GLP1R: variants seen among roughly 807,000 people sequenced by gnomAD.
The protein encoded by GLP1R is glucagon like peptide 1 receptor.
In GLP1R, 32 loss-of-function variants were observed where a neutral mutation model predicts 68.4. The observed-to-expected ratio is 0.47, with a 90% CI of 0.35 to 0.63. The LOEUF is 0.63. Ranked by LOEUF, GLP1R falls within the 20% of genes least tolerant of loss-of-function variation. The pLI is 0.00. For synonymous variants in GLP1R, 263 were observed against 244.4 expected, an observed-to-expected ratio of 1.08 and a Z score of -0.71; for missense variants, 502 against 594.9, an observed-to-expected ratio of 0.84 and a Z score of 1.62.
Position 39,079,256 on chromosome 6 carries a change from T to A in GLP1R, c.1043+56T>A. ...CCCTCAGCAAGTGCCCCTTTCCTTC[T>A]AGCAGAGAGAGAGAGAGAGATCCTG... On this transcript the variant is annotated intron_variant, in intron 10 of 12. Coordinates refer to ENST00000373256, the MANE Select transcript of GLP1R (RefSeq NM_002062.5). The surrounding 1 kb of genome is among the most constrained non-coding windows in gnomAD (Gnocchi z 4.5). 8.2e-7 allele frequency: 1 copy of A among 1,217,220 alleles called. No homozygotes were observed. Among genetic ancestry groups the A allele is most frequent in the East Asian group, 2.3e-5 (1 of 42,862 alleles). 75.4% of individuals were successfully genotyped at this position (1,217,220 alleles called of 1,614,324 possible). A position where few individuals can be genotyped will look rare whatever the true frequency, so the allele number is the denominator to read the frequency against.
Position 39,079,647 on chromosome 6 carries a change from G to C in GLP1R, c.1127G>C (p.Arg376Pro). 1.2e-6 allele frequency: 2 copies of C among 1,611,790 alleles called. No homozygotes were observed. The highest frequency in any genetic ancestry group is 1.7e-6 in the Non-Finnish European group (2 of 1,179,000). Reference sequence around the variant, plus strand: ...GCCTTTGTGATGGACGAGCACGCCCGGGGGACCCTGCGCTTCATCAAGCTG... The same window carrying C: ...GCCTTTGTGATGGACGAGCACGCCCCGGGGACCCTGCGCTTCATCAAGCTG... ...IFAFVMDEHARGTLRFIKLFT... is the reference protein window; with the variant it reads ...IFAFVMDEHAPGTLRFIKLFT... Residue 376 changes from arginine to proline, a missense_variant, in exon 11 of 13, where the codon CGG becomes CCG. Coordinates refer to ENST00000373256, the MANE Select transcript of GLP1R (RefSeq NM_002062.5). The surrounding 1 kb of genome is among the most constrained non-coding windows in gnomAD (Gnocchi z 4.5).
chr6:39,063,076 G>T (rs903171394), intron 3 of GLP1R, among the ~76,000 whole-genome samples: 5 of 152,196 alleles, frequency 3.3e-5, no homozygotes, highest in African/African-American at 1.2e-4. Context: ...TGGGTATGCG[G>T]GTCTTTAGAT....
chr6:39,059,781 A>T (rs2150823759), intron 3 of GLP1R, among the ~76,000 whole-genome samples: 1 of 152,294 alleles, frequency 6.6e-6, no homozygotes, highest in Admixed American at 6.5e-5. Context: ...TCTAGACCCC[A>T]GGGAGCCAGG....
At chr6:39,070,120 G>T (rs1426666815) in intron 5 of GLP1R, among the ~76,000 whole-genome samples, 1 of 152,182 alleles carries the variant, frequency 6.6e-6, no homozygotes. Flanking sequence ...ATTCTTGAGA[G>T]CAGAGCCCTC....
At chr6:39,082,328 C>T (rs180999675) in intron 12 of GLP1R, among the ~76,000 whole-genome samples, 173 of 152,306 alleles carry the variant, frequency 1.1e-3, no homozygotes, top group African/African-American at 4.0e-3. Flanking sequence ...AACGTTAAGC[C>T]TCAGCAAAAT....
Position 39,088,510 on chromosome 6 carries a change from C to G in GLP1R, c.*2437C>G, listed in dbSNP as rs1227514843. On this transcript the variant is annotated 3_prime_UTR_variant, in exon 13 of 13. Coordinates refer to ENST00000373256, the MANE Select transcript of GLP1R (RefSeq NM_002062.5). ...GTCCTGGGGTACTATTGCTGACCAG[C>G]AGGGTGTAGGCGCTGCTTTTGTTTG... is the stretch of plus-strand genomic sequence containing the variant. Among the ~76,000 whole-genome samples the G allele has an allele frequency of 6.6e-6, 1 of 152,172 alleles. No homozygotes were observed. The highest frequency in any genetic ancestry group is 1.5e-5 in the Non-Finnish European group (1 of 68,028).
intron 2 of GLP1R, 98 bp from the exon 3 acceptor site, chr6:39,057,374 A>G: frequency 1.3e-6 from 1 of 755,444 alleles, no homozygotes. Context: ...GGTTAGTGGC[A>G]TGCAGCCTCC....
intron 12 of GLP1R, among the ~76,000 whole-genome samples, chr6:39,082,681 C>T (rs959162259): frequency 6.6e-6 from 1 of 152,180 alleles, no homozygotes; most frequent in Non-Finnish European, 1.5e-5. Context: ...TCCAGGAATG[C>T]TCTCAGCCAG....
chr6:39,061,332 G>A (rs770266329), intron 3 of GLP1R, among the ~76,000 whole-genome samples: 4 of 152,312 alleles, frequency 2.6e-5, no homozygotes, highest in South Asian at 4.1e-4. Context: ...CAGCAGCCTC[G>A]TTTACCCACA....
chr6:39,054,005 C>G (rs1768150265), intron 1 of GLP1R, among the ~76,000 whole-genome samples: 1 of 152,048 alleles, frequency 6.6e-6, no homozygotes, highest in Admixed American at 6.6e-5. Flanking sequence ...TGCTGAAGTG[C>G]CCGCCCTCCT....
At chr6:39,062,713 G>A (rs563165205) in intron 3 of GLP1R, among the ~76,000 whole-genome samples, 52 of 152,340 alleles carry the variant, frequency 3.4e-4, no homozygotes, top group Admixed American at 1.1e-3. Context: ...AGCAAGTTTG[G>A]CTGCTAACTT....
chr6:39,055,582 C>CT (rs1768190973), intron 1 of GLP1R, among the ~76,000 whole-genome samples: 1 of 152,172 alleles, frequency 6.6e-6, no homozygotes, highest in Non-Finnish European at 1.5e-5. Context: ...GAGAGGGATC[C>CT]CTCCCATTGC....
At chr6:39,062,898 C>G (rs1435086631) in intron 3 of GLP1R, among the ~76,000 whole-genome samples, 1 of 152,176 alleles carries the variant, frequency 6.6e-6, no homozygotes, top group Non-Finnish European at 1.5e-5. Context: ...GTCAGGTGTA[C>G]AGTAGGTGTT....
intron 3 of GLP1R, among the ~76,000 whole-genome samples, chr6:39,064,468 C>T (rs1334568059): frequency 6.6e-6 from 1 of 152,214 alleles, no homozygotes; most frequent in Non-Finnish European, 1.5e-5. Flanking sequence ...ATGTTGAACT[C>T]TTTTAAAGTT....
Position 39,065,762 on chromosome 6 carries a change from A to G in GLP1R, c.335A>G (p.Gln112Arg). The change falls in exon 4 of 13, where the codon CAG becomes CGG. Residue 112 changes from glutamine to arginine, a missense_variant. Gln to Arg is a conservative substitution (Grantham distance 43). Coordinates refer to ENST00000373256, the MANE Select transcript of GLP1R (RefSeq NM_002062.5). ...TGCACAGCTGAAGGCCTCTGGCTGC[A>G]GAAGGACAACTCCAGCCTGCCCTGG... ...RFCTAEGLWL[Q>R]KDNSSLPWRD... 6.3e-7 allele frequency: 1 copy of G among 1,588,696 alleles called. No individual in the cohort carries two copies. The highest frequency in any genetic ancestry group is 8.6e-7 in the Non-Finnish European group (1 of 1,167,344).
At chr6:39,053,504 G>GAAGCCTGGTC (rs1204183837) in intron 1 of GLP1R, among the ~76,000 whole-genome samples, 1 of 152,156 alleles carries the variant, frequency 6.6e-6, no homozygotes, top group Non-Finnish European at 1.5e-5. Context: ...CAGTCCCCAG[G>GAAGCCTGGTC]AAGCCTGGTC....
Position 39,089,772 on chromosome 6 carries a change from C to G in GLP1R, c.*3699C>G, listed in dbSNP as rs147058472. Among the ~76,000 whole-genome samples, 1 of 152,208 alleles carries G rather than the reference C, an allele frequency of 6.6e-6. No homozygotes were observed. Among genetic ancestry groups the G allele is most frequent in the Non-Finnish European group, 1.5e-5 (1 of 68,044 alleles). ...GGAGTCTAAGTGGTAGATGCTTCCT[C>G]TCCATGCGCAGACAGGGCTCCCATT... On this transcript the variant is annotated 3_prime_UTR_variant, in exon 13 of 13. Transcript: ENST00000373256. The surrounding 1 kb of genome is among the most constrained non-coding windows in gnomAD (Gnocchi z 4.1).
rs1384460097 is a variant in GLP1R at position 39,049,254 on chromosome 6, C to A, written c.78+336C>A. Among the ~76,000 whole-genome samples, 1 of 152,188 alleles carries A rather than the reference C, an allele frequency of 6.6e-6. No individual in the cohort carries two copies. Among genetic ancestry groups the A allele is most frequent in the Non-Finnish European group, 1.5e-5 (1 of 68,024 alleles). Reference sequence around the variant, plus strand: ...CTTTGTCCCCAGCACTTTCCCAACTCCTTCTAAACCGTGTCAGCGGCCCTG... The same window carrying A: ...CTTTGTCCCCAGCACTTTCCCAACTACTTCTAAACCGTGTCAGCGGCCCTG... On this transcript the variant is annotated intron_variant, in intron 1 of 12. Transcript: ENST00000373256. The surrounding 1 kb of genome is among the most constrained non-coding windows in gnomAD (Gnocchi z 4.5).
chr6:39,054,244 T>A (rs942402890), intron 1 of GLP1R, among the ~76,000 whole-genome samples: 3 of 152,004 alleles, frequency 2.0e-5, no homozygotes, highest in African/African-American at 7.2e-5. Flanking sequence ...CTCCCTGCAT[T>A]CCCCTCCACC....
Sources: gnomAD v4.1 joint callset for allele counts (sites outside exome capture counted in the v4.1 genomes callset) on GRCh38, gnomAD v4.1.1 for gene constraint, Gnocchi (gnomAD v3.1) non-coding constraint, MANE v1.5 for transcripts, NCBI Gene and HGNC (gene_info 2026-07-23, HGNC 2026-07-21) for gene names.